Variants in ZNF804A observed in about 807,000 individuals in gnomAD.
ZNF804A encodes the protein zinc finger protein 804A.
ZNF804A carries 2 observed loss-of-function variants against 16.5 expected under a neutral mutation model. That is an observed-to-expected ratio of 0.12 (90% CI 0.05 to 0.38). ZNF804A has a LOEUF of 0.38. Among genes scored for constraint, ZNF804A ranks in the 10% least tolerant of loss-of-function variants. The pLI, the probability that ZNF804A is intolerant of heterozygous loss-of-function variation, is 0.99. For missense variants in ZNF804A, 1,473 were observed against 1,390.7 expected, an observed-to-expected ratio of 1.06 and a Z score of -0.94; for synonymous variants, 534 against 489.6, an observed-to-expected ratio of 1.09 and a Z score of -1.20.
intron 1 of ZNF804A, among the ~76,000 whole-genome samples, chr2:184,694,574 G>T (rs1254147824): frequency 6.6e-6 from 1 of 151,870 alleles, no homozygotes; most frequent in Non-Finnish European, 1.5e-5. Context: ...GTATATAATT[G>T]GCATTATCTA....
chr2:184,805,944 C>T (rs945992099), intron 1 of ZNF804A, among the ~76,000 whole-genome samples: 2 of 151,906 alleles, frequency 1.3e-5, no homozygotes, highest in African/African-American at 2.4e-5. Context: ...AGCATTTGCA[C>T]ATATTATCTA....
intron 1 of ZNF804A, among the ~76,000 whole-genome samples, chr2:184,858,560 C>T (rs1695742164): frequency 6.6e-6 from 1 of 150,902 alleles, no homozygotes; most frequent in East Asian, 1.9e-4. Flanking sequence ...AGAAACTCTA[C>T]ATTTTCATTC....
At chr2:184,849,435 C>T (rs929391483) in intron 1 of ZNF804A, among the ~76,000 whole-genome samples, 1 of 151,840 alleles carries the variant, frequency 6.6e-6, no homozygotes, top group Non-Finnish European at 1.5e-5. Flanking sequence ...AAAGAGACTG[C>T]TAATAATGCA....
intron 2 of ZNF804A, among the ~76,000 whole-genome samples, chr2:184,888,633 T>G (rs1400850785): frequency 6.6e-6 from 1 of 152,128 alleles, no homozygotes; most frequent in Admixed American, 6.5e-5. Context: ...GTCAGAATCA[T>G]GGAGTCCAGA....
intron 2 of ZNF804A, among the ~76,000 whole-genome samples, chr2:184,888,926 G>A (rs1004449309): frequency 2.6e-5 from 4 of 151,692 alleles, no homozygotes; most frequent in African/African-American, 9.7e-5. Flanking sequence ...TATAAAAAGT[G>A]TTTGTGTGTA....
At chr2:184,918,926 C>G (rs1685492007) in intron 2 of ZNF804A, among the ~76,000 whole-genome samples, 2 of 152,040 alleles carry the variant, frequency 1.3e-5, no homozygotes, top group African/African-American at 2.4e-5. Context: ...TCTTTTTTCA[C>G]CCATTCTTTG....
At chr2:184,672,898 C>T (rs145392796) in intron 1 of ZNF804A, among the ~76,000 whole-genome samples, 2,302 of 152,168 alleles carry the variant, frequency 0.015, 26 homozygotes, top group Non-Finnish European at 0.025. Context: ...TCCGCCACCA[C>T]GCCCAGCTAA....
At chr2:184,842,640 T>C (rs1249045530) in intron 1 of ZNF804A, among the ~76,000 whole-genome samples, 1 of 152,040 alleles carries the variant, frequency 6.6e-6, no homozygotes, top group African/African-American at 2.4e-5. Context: ...ATTCTATGTT[T>C]AAAATACATA....
chr2:184,846,932 A>C (rs1458309608), intron 1 of ZNF804A, among the ~76,000 whole-genome samples: 1 of 152,120 alleles, frequency 6.6e-6, no homozygotes, highest in Non-Finnish European at 1.5e-5. Context: ...TATGGGAACT[A>C]TCCTTCTTGT....
chr2:184,797,788 T>C (rs1694657015), intron 1 of ZNF804A, among the ~76,000 whole-genome samples: 1 of 152,092 alleles, frequency 6.6e-6, no homozygotes. Flanking sequence ...TTACTTATAT[T>C]TTTGTTTTAT....
intron 1 of ZNF804A, among the ~76,000 whole-genome samples, chr2:184,739,030 T>C (rs1453722546): frequency 6.6e-6 from 1 of 152,214 alleles, no homozygotes; most frequent in African/African-American, 2.4e-5. Flanking sequence ...TGAAATTTGA[T>C]TGTAGGATAA....
chr2:184,709,460 A>G (rs907640526), intron 1 of ZNF804A, among the ~76,000 whole-genome samples: 3 of 152,032 alleles, frequency 2.0e-5, no homozygotes, highest in Admixed American at 1.3e-4. Context: ...CCTGTTTCCA[A>G]TATTATTCTG....
At chr2:184,709,217 A>C (rs1693084384) in intron 1 of ZNF804A, among the ~76,000 whole-genome samples, 1 of 152,164 alleles carries the variant, frequency 6.6e-6, no homozygotes, top group South Asian at 2.1e-4. Flanking sequence ...TGAATTCAGA[A>C]TGTCAGTGCC....
At chr2:184,837,771 G>T (rs546455609) in intron 1 of ZNF804A, among the ~76,000 whole-genome samples, 64 of 152,136 alleles carry the variant, frequency 4.2e-4, no homozygotes, top group Non-Finnish European at 7.2e-4. Context: ...GTGTATGAAG[G>T]CTCACTGAGC....
At chr2:184,675,231 G>A (rs963680856) in intron 1 of ZNF804A, among the ~76,000 whole-genome samples, 50 of 151,670 alleles carry the variant, frequency 3.3e-4, no homozygotes, top group Admixed American at 1.5e-3. Context: ...ACATGCATGC[G>A]TATTGAAAGC....
intron 1 of ZNF804A, among the ~76,000 whole-genome samples, chr2:184,797,980 G>A (rs540776497): frequency 8.7e-5 from 13 of 150,280 alleles, no homozygotes; most frequent in African/African-American, 3.2e-4. Context: ...CTTAGTTTCA[G>A]TGTATACAAA....
chr2:184,614,674 C>T (rs1274843642), intron 1 of ZNF804A, among the ~76,000 whole-genome samples: 1 of 152,088 alleles, frequency 6.6e-6, no homozygotes, highest in Non-Finnish European at 1.5e-5. Flanking sequence ...GTAACAGGAA[C>T]TTAAACAAAT....
At chr2:184,865,276 C>T (rs1695862722) in intron 1 of ZNF804A, among the ~76,000 whole-genome samples, 1 of 151,874 alleles carries the variant, frequency 6.6e-6, no homozygotes, top group Non-Finnish European at 1.5e-5. Context: ...TTCTTCACAT[C>T]ATGAATAATG....
intron 1 of ZNF804A, among the ~76,000 whole-genome samples, chr2:184,722,957 C>T (rs893600888): frequency 1.3e-5 from 2 of 151,856 alleles, no homozygotes; most frequent in African/African-American, 4.8e-5. Context: ...GTTACTTTGC[C>T]TAGGCTATTA....
Sources: allele counts gnomAD v4.1 joint callset (sites outside exome capture counted in the v4.1 genomes callset), GRCh38; gene constraint gnomAD v4.1.1; transcripts MANE v1.5; gene names NCBI Gene and HGNC (gene_info 2026-07-23, HGNC 2026-07-21).